Variants in FRMD5 observed in about 807,000 individuals in gnomAD.
FRMD5 encodes FERM domain containing 5, also known as FERM domain-containing protein 5.
In FRMD5, 20 loss-of-function variants were observed where a neutral mutation model predicts 69.0. The observed-to-expected ratio is 0.29, with a 90% CI of 0.20 to 0.42. FRMD5 has a LOEUF of 0.42. Among genes scored for constraint, FRMD5 ranks in the 10% least tolerant of loss-of-function variants. The pLI is 1.00. For synonymous variants in FRMD5, 271 were observed against 260.1 expected (o/e 1.04, Z -0.40); for missense variants, 595 against 708.6 (o/e 0.84, Z 1.82).
In FRMD5 at chr15:43,874,461, G is replaced by C. The variant is rs751754570; in HGVS notation, c.1137C>G (p.Gly379=). 7 of 1,612,724 alleles carry C rather than the reference G, an allele frequency of 4.3e-6. No homozygotes were observed. Among genetic ancestry groups the C allele is most frequent in the Non-Finnish European group, 4.2e-6 (5 of 1,178,742 alleles). ...RRAVHISIME[G]LESLRDSAHS... is the part of the protein sequence containing the mutation. Reference sequence around the variant, plus strand: ...GGGCACTGTCCCGTAAGGACTCTAGGCCTAGAAAGGCAAAAGGAACATGAG... The same window carrying C: ...GGGCACTGTCCCGTAAGGACTCTAGCCCTAGAAAGGCAAAAGGAACATGAG... Residue 379 remains glycine (G), a splice_region_variant and synonymous_variant, in exon 14 of 14, where the codon GGC becomes GGG. Coordinates refer to ENST00000417257, the MANE Select transcript of FRMD5 (RefSeq NM_032892.5).
At chr15:43,962,145 T>G (rs1483434690) in intron 1 of FRMD5, among the ~76,000 whole-genome samples, 2 of 152,210 alleles carry the variant, frequency 1.3e-5, no homozygotes, top group Non-Finnish European at 2.9e-5. Flanking sequence ...TGATTGTATA[T>G]CTACAAAACC....
Position 44,125,473 on chromosome 15 carries a change from T to C in FRMD5, c.102+69480A>G, listed in dbSNP as rs1033765010. On this transcript the variant is annotated intron_variant, in intron 1 of 13. Coordinates refer to ENST00000417257, the MANE Select transcript of FRMD5 (RefSeq NM_032892.5). ...TAATACCAAGCTAAACGTTAGATGA[T>C]TTATTCCAGTTTCTTTCTAAATGCT... Among the ~76,000 whole-genome samples, 3 of 152,210 alleles carry C rather than the reference T, an allele frequency of 2.0e-5. No homozygotes were observed. The East Asian group carries it at 5.8e-4, about 29-fold the overall frequency.
chr15:43,900,765 G>C (rs1368802050), intron 7 of FRMD5, among the ~76,000 whole-genome samples: 1 of 151,870 alleles, frequency 6.6e-6, no homozygotes, highest in Non-Finnish European at 1.5e-5. Flanking sequence ...TTACAGTCAT[G>C]TGTCACCATG....
chr15:44,178,609 T>C (rs1344703330), intron 1 of FRMD5, among the ~76,000 whole-genome samples: 1 of 152,100 alleles, frequency 6.6e-6, no homozygotes, highest in Non-Finnish European at 1.5e-5. Context: ...CTCTGAAAGG[T>C]GAACTAGTGA....
intron 1 of FRMD5, among the ~76,000 whole-genome samples, chr15:43,934,683 T>A (rs1437892409): frequency 6.6e-6 from 1 of 152,216 alleles, no homozygotes; most frequent in Non-Finnish European, 1.5e-5. Context: ...CTGTGAGCGA[T>A]GGAAAAGTCC....
intron 1 of FRMD5, among the ~76,000 whole-genome samples, chr15:43,988,144 A>T (rs1889486619): frequency 6.6e-6 from 1 of 152,144 alleles, no homozygotes; most frequent in Non-Finnish European, 1.5e-5. Flanking sequence ...CTGTAAATAC[A>T]GATGAAGCTT....
intron 1 of FRMD5, among the ~76,000 whole-genome samples, chr15:44,155,504 A>G (rs1447384650): frequency 1.3e-5 from 2 of 152,082 alleles, no homozygotes; most frequent in African/African-American, 2.4e-5. Context: ...AAAGCTGAAT[A>G]TAAGCATACC....
chr15:44,187,237 T>C (rs1326985204), intron 1 of FRMD5, among the ~76,000 whole-genome samples: 1 of 152,224 alleles, frequency 6.6e-6, no homozygotes, highest in African/African-American at 2.4e-5. Flanking sequence ...TGAATCCACC[T>C]TTTCTTGACA....
At chr15:43,990,946 G>A (rs1351130174) in intron 1 of FRMD5, among the ~76,000 whole-genome samples, 1 of 152,096 alleles carries the variant, frequency 6.6e-6, no homozygotes, top group African/African-American at 2.4e-5. Context: ...GGAACATGAT[G>A]GATTTGGGTT....
At chr15:43,991,069 A>G (rs886180237) in intron 1 of FRMD5, among the ~76,000 whole-genome samples, 1 of 152,208 alleles carries the variant, frequency 6.6e-6, no homozygotes, top group Non-Finnish European at 1.5e-5. Context: ...GTTCTTATCC[A>G]ATTAGAATGG....
intron 1 of FRMD5, among the ~76,000 whole-genome samples, chr15:44,093,210 G>A (rs565088167): frequency 2.1e-4 from 32 of 152,042 alleles, no homozygotes; most frequent in Admixed American, 1.9e-3. Flanking sequence ...TATTATGGGC[G>A]TGAGCCACCG....
intron 1 of FRMD5, among the ~76,000 whole-genome samples, chr15:44,105,242 A>C (rs2076700301): frequency 1.3e-5 from 2 of 151,910 alleles, no homozygotes; most frequent in Non-Finnish European, 2.9e-5. Context: ...TCGCCCAGCT[A>C]ATTTTTGTAT....
At chr15:44,178,890 G>T (rs918306836) in intron 1 of FRMD5, among the ~76,000 whole-genome samples, 37 of 152,222 alleles carry the variant, frequency 2.4e-4, no homozygotes, top group Admixed American at 4.6e-4. Flanking sequence ...TACTTGGGCG[G>T]CTGAGGGAGG....
chr15:44,182,291 G>A (rs972319835), intron 1 of FRMD5, among the ~76,000 whole-genome samples: 3 of 149,074 alleles, frequency 2.0e-5, no homozygotes, highest in South Asian at 2.1e-4. Flanking sequence ...GATTACAGGC[G>A]TGAGCCACCA....
chr15:44,108,172 T>C lies in FRMD5; in HGVS notation c.102+86781A>G, dbSNP rs949013645. ...TAGACAAAAGAAATTGTAAATAGTC[T>C]GCTAAACTGAAAATACTTACTGTCT... On this transcript the variant is annotated intron_variant, in intron 1 of 13. Coordinates refer to ENST00000417257, the MANE Select transcript of FRMD5 (RefSeq NM_032892.5). 2.6e-5 allele frequency among the ~76,000 whole-genome samples: 4 copies of C among 152,132 alleles called. No homozygotes were observed. The East Asian group carries it at 5.8e-4, about 22-fold the overall frequency.
chr15:44,148,520 C>T lies in FRMD5; in HGVS notation c.102+46433G>A, dbSNP rs894065707. On this transcript the variant is annotated intron_variant, in intron 1 of 13. Coordinates refer to ENST00000417257, the MANE Select transcript of FRMD5 (RefSeq NM_032892.5). ...TCTCCTGACCTCATGATCCGCCCGC[C>T]TCGGCCTCCCAAAGTGCTGGGATTA... Among the ~76,000 whole-genome samples, 9 of 152,284 alleles carry T rather than the reference C, an allele frequency of 5.9e-5. 1 individual carries two copies. The South Asian group carries it at 1.9e-3, about 32-fold the overall frequency.
At chr15:44,075,081 C>T (rs1782078443) in intron 1 of FRMD5, among the ~76,000 whole-genome samples, 1 of 152,200 alleles carries the variant, frequency 6.6e-6, no homozygotes. Context: ...TGGCTGATTA[C>T]TTGGCTCTGA....
At chr15:44,112,156 T>C (rs2076806298) in intron 1 of FRMD5, among the ~76,000 whole-genome samples, 3 of 152,164 alleles carry the variant, frequency 2.0e-5, no homozygotes, top group South Asian at 4.1e-4. Flanking sequence ...TACTTCTCTC[T>C]TTTCATATAA....
At chr15:44,046,894 T>A (rs994670231) in intron 1 of FRMD5, among the ~76,000 whole-genome samples, 4 of 152,224 alleles carry the variant, frequency 2.6e-5, no homozygotes, top group Admixed American at 2.0e-4. Context: ...CTACACTGAA[T>A]ACCAACTGGA....
Sources: allele counts gnomAD v4.1 joint callset (sites outside exome capture counted in the v4.1 genomes callset), GRCh38; gene constraint gnomAD v4.1.1; transcripts MANE v1.5; gene names NCBI Gene and HGNC (gene_info 2026-07-23, HGNC 2026-07-21).